The following LILRA2 variants were observed in gnomAD, a reference collection of about 807,000 sequenced individuals.
LILRA2 encodes the protein leukocyte immunoglobulin-like receptor subfamily A member 2.
A neutral mutation model predicts 47.9 loss-of-function variants in LILRA2; 45 were observed. The observed-to-expected ratio is 0.94, with a 90% confidence interval of 0.74 to 1.20. The LOEUF is 1.20. Among genes scored for constraint, LILRA2 ranks in the 50% most tolerant of loss-of-function variants. LILRA2 has a pLI of 0.00. For missense variants in LILRA2, 651 were observed against 598.2 expected (o/e 1.09, Z -0.92); for synonymous variants, 279 against 249.2 (o/e 1.12, Z -1.13).
Position 54,574,325 on chromosome 19 carries a change from G to A in LILRA2, c.95G>A (p.Trp32Ter), listed in dbSNP as rs1943408801. The A allele has an allele frequency of 6.2e-7, 1 of 1,614,128 alleles. No homozygotes were observed. The highest frequency in any genetic ancestry group is 1.7e-5 in the Admixed American group (1 of 60,012). ...GGGCACCTCCCCAAGCCCACCCTCT[G>A]GGCTGAGCCAGGCTCTGTGATCATC... ...QAGHLPKPTL[W>*]AEPGSVIIQG... The change falls in exon 3 of 8, where the codon TGG becomes TAG. Residue 32 changes from tryptophan to a stop codon, truncating the protein, a stop_gained. Transcript: ENST00000391738. LOFTEE classifies it high-confidence loss of function.
chr19:54,587,140 G>A, intron 7 of LILRA2, 61 bp from the exon 8 acceptor site: 2 of 1,611,116 alleles, frequency 1.2e-6, no homozygotes, highest in Non-Finnish European at 1.7e-6. Flanking sequence ...GCCCTGGGTG[G>A]ACATACAGGA....
Position 54,577,578 on chromosome 19 carries a change from C to T in LILRA2, c.1255+1469C>T, listed in dbSNP as rs550984442. The stretch of plus-strand genomic sequence containing the variant: ...ATCTGACTGTGATGAGGCTGGAGTC[C>T]ACCCCAGATGTGCTCCTTTAGAGAG... On this transcript the variant is annotated intron_variant, in intron 6 of 7. Transcript: ENST00000391738. 252 of 1,289,688 alleles carry T rather than the reference C, an allele frequency of 2.0e-4. No individual in the cohort carries two copies. In the African/African-American group the frequency reaches 3.6e-3, roughly 18 times the overall value. 79.9% of individuals were successfully genotyped at this position (1,289,688 alleles called of 1,614,324 possible).
In LILRA2 at chr19:54,574,955, T is replaced by C. The variant is rs145828468; in HGVS notation, c.577T>C (p.Tyr193His). 1.2e-5 allele frequency: 20 copies of C among 1,614,132 alleles called. No homozygotes were observed. In the African/African-American group the frequency reaches 1.5e-4, roughly 12 times the overall value. Residue 193 changes from tyrosine (Y) to histidine (H), a missense_variant, in exon 4 of 8, where the codon TAC (tyrosine) becomes CAC (histidine). Tyr to His is a moderately conservative substitution (Grantham distance 83). Coordinates refer to ENST00000391738, the MANE Select transcript of LILRA2 (RefSeq NM_001130917.3). ...CGTGAGCCCGAGTCGCAGGTGGTCG[T>C]ACAGGTGCTATGCTTATGACTCGAA... The part of the protein sequence containing the change: ...GPVSPSRRWS[Y>H]RCYAYDSNSP...
Position 54,587,713 on chromosome 19 carries a change from C to G in LILRA2, c.*367C>G, listed in dbSNP as rs1307831909. ...CTTCCTTATTCCTCATTGTCACACT[C>G]CTTGATGTCACTTACTGAGTCCCCG... On this transcript the variant is annotated 3_prime_UTR_variant, in exon 8 of 8. Transcript: ENST00000391738. The G allele has an allele frequency of 3.8e-6, 1 of 260,286 alleles. No individual in the cohort carries two copies. The highest frequency in any genetic ancestry group is 2.2e-5 in the African/African-American group (1 of 45,826). 16.1% of individuals were successfully genotyped at this position (260,286 alleles called of 1,614,324 possible).
At chr19:54,574,043 G>A (rs779636660) in intron 1 of LILRA2, 33 bp from the exon 2 acceptor site, 3 of 1,614,026 alleles carry the variant, frequency 1.9e-6, no homozygotes, top group African/African-American at 2.7e-5. Context: ...CAGGCTTCAG[G>A]GGAAAAATCC....
intron 3 of LILRA2, 28 bp downstream of exon 3, chr19:54,574,610 C>T: frequency 1.9e-6 from 3 of 1,611,478 alleles, no homozygotes; most frequent in Non-Finnish European, 2.5e-6. Flanking sequence ...AGTCCCAGCC[C>T]CAGGCTCTGC....
chr19:54,573,082 G>A (rs977207982), upstream of LILRA2: 76 of 222,080 alleles, frequency 3.4e-4, no homozygotes, highest in African/African-American at 1.3e-3. Context: ...CTCCCAGGCC[G>A]AAGTATTCCT....
At chr19:54,575,057 G>C (rs375966150) in intron 4 of LILRA2, 24 bp downstream of exon 4, 1 of 1,604,010 alleles carries the variant, frequency 6.2e-7, no homozygotes, top group African/African-American at 1.3e-5. Flanking sequence ...AGAATTGCTT[G>C]GAGTTCCCTG....
chr19:54,573,962 C>T (rs770361453), intron 1 of LILRA2, 50 bp downstream of exon 1: 1 of 1,613,258 alleles, frequency 6.2e-7, no homozygotes, highest in Non-Finnish European at 8.5e-7. Flanking sequence ...GGACCTCACC[C>T]CACAGCCAAA....
At chr19:54,577,447 T>C in intron 6 of LILRA2, 15 of 1,272,546 alleles carry the variant, frequency 1.2e-5, no homozygotes, top group Non-Finnish European at 1.5e-5. Context: ...TTGGCAGCTC[T>C]CATTTCTCAT....
Position 54,575,943 on chromosome 19 carries a change from C to G in LILRA2, c.1089C>G (p.Pro363=). Residue 363 remains proline, a synonymous_variant, in exon 6 of 8, where the codon CCC becomes CCG. Transcript: ENST00000391738. Reference sequence around the variant, plus strand: ...TGACCAAGGAGGGGGCAGGCCATCCCCCACTGCATCTGAGATCAGAGCACC... The same window carrying G: ...TGACCAAGGAGGGGGCAGGCCATCCGCCACTGCATCTGAGATCAGAGCACC... ...FLLTKEGAGH[P]PLHLRSEHQA... 1 of 1,613,992 alleles carries G rather than the reference C, an allele frequency of 6.2e-7. No individual in the cohort carries two copies. Among genetic ancestry groups the G allele is most frequent in the Non-Finnish European group, 8.5e-7 (1 of 1,179,964 alleles).
intron 4 of LILRA2, 102 bp from the exon 5 acceptor site, chr19:54,575,154 G>A (rs1372753902): frequency 8.4e-6 from 13 of 1,550,320 alleles, no homozygotes; most frequent in Non-Finnish European, 9.6e-6. Flanking sequence ...GAGGGCTCAG[G>A]GCTCCTGGGG....
chr19:54,587,088 G>A, intron 7 of LILRA2, 28 bp downstream of exon 7: 1 of 1,612,890 alleles, frequency 6.2e-7, no homozygotes, highest in Non-Finnish European at 8.5e-7. Flanking sequence ...CTCAGTTATG[G>A]GACTGGCACA....
chr19:54,574,372 A>G lies in LILRA2; in HGVS notation c.142A>G (p.Arg48Gly), dbSNP rs146499061. The change falls in exon 3 of 8, where the codon AGG becomes GGG. Residue 48 changes from arginine (R) to glycine (G), a missense_variant. Coordinates refer to ENST00000391738, the MANE Select transcript of LILRA2 (RefSeq NM_001130917.3). ...VIIQGSPVTL[R>G]CQGSLQAEEY... is the part of the protein sequence containing the mutation. Reference sequence around the variant, plus strand: ...CATCCAGGGAAGTCCTGTGACCCTCAGGTGTCAGGGGAGCCTTCAGGCTGA... The same window carrying G: ...CATCCAGGGAAGTCCTGTGACCCTCGGGTGTCAGGGGAGCCTTCAGGCTGA... The G allele has an allele frequency of 1.9e-5, 31 of 1,614,052 alleles. No homozygotes were observed. The highest frequency in any genetic ancestry group is 1.7e-6 in the Non-Finnish European group (2 of 1,180,024).
At chr19:54,583,017 C>T (rs991659657) in intron 6 of LILRA2, among the ~76,000 whole-genome samples, 1 of 152,154 alleles carries the variant, frequency 6.6e-6, no homozygotes, top group Non-Finnish European at 1.5e-5. Context: ...TTTATTTCTG[C>T]CTTCATTTCA....
At position 54,587,316 on chromosome 19, in the gene LILRA2, G is replaced by A; in HGVS notation, c.1422G>A (p.Gln474=). The A allele has an allele frequency of 6.2e-7, 1 of 1,614,190 alleles. No individual in the cohort carries two copies. The highest frequency in any genetic ancestry group is 8.5e-7 in the Non-Finnish European group (1 of 1,180,042). Residue 474 remains glutamine, a synonymous_variant, in exon 8 of 8, where the codon CAG becomes CAA. Transcript: ENST00000391738. ...TGCTATTTGAGGCTCAGCACAGCCA[G>A]AGAAGCCTACAAGATGCAGCCGGGA... ...GILLFEAQHS[Q]RSLQDAAGR
intron 6 of LILRA2, 48 bp from the exon 7 acceptor site, chr19:54,586,962 A>T (rs1366903946): frequency 3.5e-6 from 5 of 1,427,230 alleles, no homozygotes; most frequent in Non-Finnish European, 4.9e-6. Flanking sequence ...TGCAGAGCCC[A>T]GGAGTGAGGC....
In LILRA2 at chr19:54,587,210, G is replaced by A. The variant is rs549778374; in HGVS notation, c.1316G>A (p.Gly439Asp). Residue 439 changes from glycine (G) to aspartate (D), a missense_variant, in exon 8 of 8, where the codon GGC becomes GAC. By Grantham distance (94) the Gly-to-Asp change is moderately conservative (BLOSUM62 -1). Transcript: ENST00000391738. ...TGACCTCTTTGTCCAGCATCCCTAGGCCAACACCCCCAGGATTACACAGTG... is the reference window on the plus strand; with the variant it reads ...TGACCTCTTTGTCCAGCATCCCTAGACCAACACCCCCAGGATTACACAGTG... ...NKTDSTTTSL[G>D]QHPQDYTVEN... 1 of 1,608,422 alleles carries A rather than the reference G, an allele frequency of 6.2e-7. No homozygotes were observed. The highest frequency in any genetic ancestry group is 8.5e-7 in the Non-Finnish European group (1 of 1,178,810).
rs895561106 is a variant in LILRA2 at position 54,575,348 on chromosome 19, T to C, written c.748T>C (p.Tyr250His). Residue 250 changes from tyrosine (Y) to histidine (H), a missense_variant, in exon 5 of 8, where the codon TAC (tyrosine) becomes CAC (histidine). By Grantham distance (83) the Tyr-to-His change is moderately conservative. Transcript: ENST00000391738. ...LTLQCVSDVG[Y>H]DRFVLYKEGE... is the part of the protein sequence containing the mutation. ...CCTCCAGTGTGTCTCTGATGTCGGCTACGACAGATTTGTTCTGTATAAGGA... is the reference window on the plus strand; with the variant it reads ...CCTCCAGTGTGTCTCTGATGTCGGCCACGACAGATTTGTTCTGTATAAGGA... The C allele has an allele frequency of 6.2e-7, 1 of 1,614,112 alleles. No homozygotes were observed.
Sources: allele counts gnomAD v4.1 joint callset (sites outside exome capture counted in the v4.1 genomes callset), GRCh38; gene constraint gnomAD v4.1.1; transcripts MANE v1.5; gene names NCBI Gene and HGNC (gene_info 2026-07-23, HGNC 2026-07-21).